The following LRRC4C variants were observed in gnomAD, a reference collection of about 807,000 sequenced individuals.
LRRC4C encodes leucine rich repeat containing 4C, also known as leucine-rich repeat-containing protein 4C.
A neutral mutation model predicts 33.6 loss-of-function variants in LRRC4C; 5 were observed. The observed-to-expected ratio is 0.15, with a 90% confidence interval of 0.08 to 0.31. The LOEUF (loss-of-function observed/expected upper bound fraction) is 0.31, where lower values mean the gene tolerates loss of function less well. Among genes scored for constraint, LRRC4C ranks in the 10% least tolerant of loss-of-function variants. The pLI is 1.00. For missense variants in LRRC4C, 560 were observed against 796.7 expected (o/e 0.70, Z 3.58); for synonymous variants, 329 against 302.0 (o/e 1.09, Z -0.93).
At position 40,760,174 on chromosome 11, in the gene LRRC4C, T is replaced by TA. The variant is rs957662227; in HGVS notation, c.-406-111897dup. 3.0e-4 allele frequency among the ~76,000 whole-genome samples: 46 copies of TA among 151,330 alleles called. 1 individual carries two copies. In the East Asian group the frequency reaches 6.0e-3, roughly 20 times the overall value. On this transcript the variant is annotated intron_variant, in intron 2 of 6. Coordinates refer to ENST00000528697, the MANE Select transcript of LRRC4C (RefSeq NM_001258419.2). ...TTTGTATAACTTATAAACTAAAAAT[T>TA]AAAAAAAAATTAATGAAGGTTTGAA... is the stretch of plus-strand genomic sequence containing the variant.
chr11:40,509,791 A>G (rs1313390754), intron 3 of LRRC4C, among the ~76,000 whole-genome samples: 4 of 152,256 alleles, frequency 2.6e-5, no homozygotes, highest in Non-Finnish European at 4.4e-5. Flanking sequence ...GTAATATAAC[A>G]TAGGCAACTA....
intron 1 of LRRC4C, among the ~76,000 whole-genome samples, chr11:41,428,899 A>G (rs1955135452): frequency 6.6e-6 from 1 of 152,140 alleles, no homozygotes; most frequent in Admixed American, 6.5e-5. Flanking sequence ...GATCACTTCA[A>G]CCCTTGGTAT....
intron 4 of LRRC4C, among the ~76,000 whole-genome samples, chr11:40,265,191 CTGTGCCCA>C (rs1942158835): frequency 1.3e-5 from 2 of 152,280 alleles, no homozygotes; most frequent in South Asian, 4.1e-4. Context: ...CTGTAAATAT[CTGTGCCCA>C]TGTTTTTTCC....
intron 1 of LRRC4C, among the ~76,000 whole-genome samples, chr11:40,982,246 A>G (rs926221385): frequency 3.1e-4 from 47 of 152,220 alleles, no homozygotes; most frequent in Non-Finnish European, 5.0e-4. Context: ...ACTCTGCTCA[A>G]CCATATATCA....
intron 2 of LRRC4C, among the ~76,000 whole-genome samples, chr11:40,767,335 G>T (rs920701317): frequency 2.3e-4 from 35 of 152,022 alleles, no homozygotes; most frequent in Admixed American, 1.9e-3. Flanking sequence ...AGCAAATATT[G>T]TTAGAGCTAA....
At chr11:40,171,616 A>C (rs1210569719) in intron 5 of LRRC4C, among the ~76,000 whole-genome samples, 2 of 152,162 alleles carry the variant, frequency 1.3e-5, no homozygotes, top group Admixed American at 6.5e-5. Flanking sequence ...TCCTAGAAAT[A>C]AAGAGAGGAA....
At chr11:41,365,108 A>G (rs1199684705) in intron 1 of LRRC4C, among the ~76,000 whole-genome samples, 3 of 152,114 alleles carry the variant, frequency 2.0e-5, no homozygotes, top group African/African-American at 7.2e-5. Context: ...CAGGAGACCA[A>G]GCAAAGTTCA....
intron 1 of LRRC4C, among the ~76,000 whole-genome samples, chr11:40,959,157 C>T (rs1959086482): frequency 6.6e-6 from 1 of 151,658 alleles, no homozygotes; most frequent in Non-Finnish European, 1.5e-5. Context: ...CTCGAGATGA[C>T]TCTAATGCAT....
intron 2 of LRRC4C, among the ~76,000 whole-genome samples, chr11:40,809,748 A>G (rs1371566871): frequency 1.3e-5 from 2 of 152,224 alleles, no homozygotes; most frequent in Non-Finnish European, 1.5e-5. Context: ...CTATATTGCC[A>G]GATCCTGGCA....
intron 3 of LRRC4C, among the ~76,000 whole-genome samples, chr11:40,505,666 C>A (rs1327909866): frequency 6.6e-5 from 10 of 152,132 alleles, no homozygotes; most frequent in Admixed American, 6.5e-4. Flanking sequence ...GGCATTGGCC[C>A]ATGAATGCAA....
chr11:40,717,242 G>A (rs545266373), intron 2 of LRRC4C, among the ~76,000 whole-genome samples: 3 of 150,568 alleles, frequency 2.0e-5, no homozygotes, highest in South Asian at 2.1e-4. Flanking sequence ...AGTGTGCTTC[G>A]GGATTTTTAA....
intron 1 of LRRC4C, among the ~76,000 whole-genome samples, chr11:41,384,628 A>T (rs1355439540): frequency 1.3e-5 from 2 of 151,296 alleles, no homozygotes. Context: ...GTTTCTGAAG[A>T]CCAGATAAAA....
Position 40,413,811 on chromosome 11 carries a change from G to A in LRRC4C, c.-269-94090C>T, listed in dbSNP as rs549685309. Among the ~76,000 whole-genome samples, 16 of 152,098 alleles carry A rather than the reference G, an allele frequency of 1.1e-4. No individual in the cohort carries two copies. The South Asian group carries it at 1.2e-3, about 12-fold the overall frequency. On this transcript the variant is annotated intron_variant, in intron 3 of 6. Coordinates refer to ENST00000528697, the MANE Select transcript of LRRC4C (RefSeq NM_001258419.2). ...TTTCCCAGGATCAGAAATTATGTTC[G>A]TCTTCTTTATCATGAAACTCTTGAT... is the stretch of plus-strand genomic sequence containing the variant.
At chr11:40,810,113 G>A (rs1368867932) in intron 2 of LRRC4C, among the ~76,000 whole-genome samples, 1 of 152,032 alleles carries the variant, frequency 6.6e-6, no homozygotes. Context: ...ACTTTGTATG[G>A]ATTTCCAACT....
At chr11:41,139,449 T>A (rs1943408483) in intron 1 of LRRC4C, among the ~76,000 whole-genome samples, 1 of 152,218 alleles carries the variant, frequency 6.6e-6, no homozygotes, top group Non-Finnish European at 1.5e-5. Flanking sequence ...AATGGAAGGC[T>A]GGAGATCTAT....
At chr11:40,752,653 A>G (rs1482920520) in intron 2 of LRRC4C, among the ~76,000 whole-genome samples, 5 of 152,102 alleles carry the variant, frequency 3.3e-5, no homozygotes, top group Non-Finnish European at 7.4e-5. Context: ...AAAAAAGGGA[A>G]CTCTTATACA....
chr11:40,367,749 A>T (rs1325549991), intron 3 of LRRC4C, among the ~76,000 whole-genome samples: 1 of 152,068 alleles, frequency 6.6e-6, no homozygotes, highest in East Asian at 1.9e-4. Flanking sequence ...TTTATTAAAA[A>T]TTTCATGTTA....
At chr11:41,151,621 T>C (rs1403072906) in intron 1 of LRRC4C, among the ~76,000 whole-genome samples, 2 of 152,188 alleles carry the variant, frequency 1.3e-5, no homozygotes, top group Non-Finnish European at 2.9e-5. Context: ...AAAGGTTTCA[T>C]AGACATGAAG....
intron 1 of LRRC4C, among the ~76,000 whole-genome samples, chr11:41,234,014 G>A (rs1049958453): frequency 2.0e-5 from 3 of 150,986 alleles, no homozygotes; most frequent in Non-Finnish European, 4.4e-5. Flanking sequence ...AGGGAAGTCA[G>A]AAATGCAGAT....
Sources: allele counts gnomAD v4.1 joint callset (sites outside exome capture counted in the v4.1 genomes callset), GRCh38; gene constraint gnomAD v4.1.1; transcripts MANE v1.5; gene names NCBI Gene and HGNC (gene_info 2026-07-23, HGNC 2026-07-21).